PPFIA2: variants seen among roughly 807,000 people sequenced by gnomAD.
PPFIA2 encodes the protein liprin-alpha-2.
PPFIA2 carries 46 observed loss-of-function variants against 175.5 expected under a neutral mutation model. The ratio of observed to expected loss-of-function variants is 0.26; its 90% CI spans 0.21 to 0.34. The LOEUF (loss-of-function observed/expected upper bound fraction) is 0.34, where lower values mean the gene tolerates loss of function less well. Ranked by LOEUF, PPFIA2 falls within the 10% of genes least tolerant of loss-of-function variation. The pLI is 1.00. For synonymous variants in PPFIA2, 568 were observed against 511.4 expected (o/e 1.11, Z -1.49); for missense variants, 1,179 against 1,506.1 (o/e 0.78, Z 3.60).
Position 81,502,909 on chromosome 12 carries a change from C to T in PPFIA2, c.304-45043G>A, listed in dbSNP as rs1019568317. ...TAATGCAACTTGTACCACTCCACTG[C>T]TTCCCTGTTTGGAATGCCTCCTCTA... On this transcript the variant is annotated intron_variant, in intron 4 of 32. Coordinates refer to ENST00000549396, the MANE Select transcript of PPFIA2 (RefSeq NM_003625.5). 3.3e-5 allele frequency among the ~76,000 whole-genome samples: 5 copies of T among 152,202 alleles called. No homozygotes were observed. The South Asian group carries it at 8.3e-4, about 25-fold the overall frequency.
intron 23 of PPFIA2, 100 bp from the exon 24 acceptor site, chr12:81,295,135 C>T (rs1430506955): frequency 3.9e-6 from 4 of 1,027,604 alleles, no homozygotes; most frequent in Non-Finnish European, 5.7e-6. Flanking sequence ...CATACATGAC[C>T]TCACCCCACG....
At chr12:81,638,903 G>A (rs186482319) in intron 4 of PPFIA2, among the ~76,000 whole-genome samples, 1,829 of 151,396 alleles carry the variant, frequency 0.012, 45 homozygotes, top group East Asian at 0.042. Context: ...TAGCCGGGAT[G>A]GTCTCGATCT....
intron 4 of PPFIA2, among the ~76,000 whole-genome samples, chr12:81,515,665 T>G (rs1401507828): frequency 2.0e-5 from 3 of 152,050 alleles, no homozygotes; most frequent in Non-Finnish European, 1.5e-5. Context: ...CAACTCAAAT[T>G]CAATGTCTTC....
intron 16 of PPFIA2, among the ~76,000 whole-genome samples, chr12:81,355,732 G>T (rs1161595325): frequency 1.3e-5 from 2 of 152,112 alleles, no homozygotes; most frequent in African/African-American, 4.8e-5. Context: ...ACAACCCTCT[G>T]CTAGCTTCAA....
chr12:81,628,907 T>C (rs1209990363), intron 4 of PPFIA2, among the ~76,000 whole-genome samples: 1 of 152,094 alleles, frequency 6.6e-6, no homozygotes, highest in Admixed American at 6.5e-5. Flanking sequence ...ATAAGGCCTA[T>C]AGCCTCCTGT....
At chr12:81,642,672 C>CACGTATGTATATATTATATACATA in intron 4 of PPFIA2, among the ~76,000 whole-genome samples, 1 of 64,852 alleles carries the variant, frequency 1.5e-5, no homozygotes, top group East Asian at 1.2e-3. Context: ...TATATACATA[C>CACGTATGTATATATTATATACATA]ATGTATGTAT....
chr12:81,453,101 C>T (rs1427499039), intron 5 of PPFIA2, among the ~76,000 whole-genome samples: 2 of 149,668 alleles, frequency 1.3e-5, no homozygotes, highest in Non-Finnish European at 1.5e-5. Flanking sequence ...CCCACTAACT[C>T]GTCATCTAGC....
At chr12:81,653,114 TC>T (rs540282815) in intron 4 of PPFIA2, among the ~76,000 whole-genome samples, 9 of 152,222 alleles carry the variant, frequency 5.9e-5, no homozygotes, top group African/African-American at 2.2e-4. Context: ...TTTACCAGAT[TC>T]TTTTTGGTTC....
intron 5 of PPFIA2, among the ~76,000 whole-genome samples, chr12:81,450,258 A>C (rs1190417223): frequency 6.6e-6 from 1 of 152,206 alleles, no homozygotes; most frequent in African/African-American, 2.4e-5. Flanking sequence ...TCCCACCAAC[A>C]GTGCAAAAGT....
At chr12:81,540,006 G>A (rs561041665) in intron 4 of PPFIA2, among the ~76,000 whole-genome samples, 66 of 152,014 alleles carry the variant, frequency 4.3e-4, no homozygotes, top group Admixed American at 1.4e-3. Flanking sequence ...TTCCAGAAGA[G>A]GGGTTTGTTT....
chr12:81,259,706 C>T, intron 32 of PPFIA2, 46 bp from the exon 33 acceptor site: 1 of 1,506,026 alleles, frequency 6.6e-7, no homozygotes, highest in Middle Eastern at 1.7e-4. Context: ...AAGTCCCAGA[C>T]TGGGAAATCT....
intron 4 of PPFIA2, among the ~76,000 whole-genome samples, chr12:81,594,119 C>T (rs1414666789): frequency 1.3e-5 from 2 of 152,054 alleles, no homozygotes; most frequent in African/African-American, 4.8e-5. Context: ...AATCTCATGC[C>T]TGATGATCTA....
chr12:81,267,202 T>C lies in PPFIA2; in HGVS notation c.3487-182A>G, dbSNP rs539320517. The C allele has an allele frequency of 6.4e-4, 366 of 575,998 alleles. 3 individuals carry two copies. Among genetic ancestry groups the C allele is most frequent in the South Asian group, 5.9e-3 (341 of 57,884 alleles). The allele number at this position is 575,998 out of a possible 1,614,324, so 35.7% of individuals were successfully genotyped here. A position where few individuals can be genotyped will look rare whatever the true frequency, so the allele number is the denominator to read the frequency against. On this transcript the variant is annotated intron_variant, in intron 29 of 32. Coordinates refer to ENST00000549396, the MANE Select transcript of PPFIA2 (RefSeq NM_003625.5). ...TTAACTACAAAAAAAACAGGGCTTTTTTTTTTTTTTCTGTGAACAGTAGAG... is the reference window on the plus strand; with the variant it reads ...TTAACTACAAAAAAAACAGGGCTTTCTTTTTTTTTTCTGTGAACAGTAGAG...
chr12:81,295,548 C>T (rs1001024797), intron 23 of PPFIA2, among the ~76,000 whole-genome samples: 2 of 152,166 alleles, frequency 1.3e-5, no homozygotes, highest in Non-Finnish European at 2.9e-5. Flanking sequence ...CACCTACCTT[C>T]CTACACCATG....
intron 4 of PPFIA2, among the ~76,000 whole-genome samples, chr12:81,657,767 C>T (rs1344366964): frequency 1.3e-5 from 2 of 151,890 alleles, no homozygotes; most frequent in Non-Finnish European, 2.9e-5. Context: ...AAGAAAGATC[C>T]TTGATTTATT....
chr12:81,665,714 A>C (rs1032187484), intron 4 of PPFIA2, among the ~76,000 whole-genome samples: 1 of 151,994 alleles, frequency 6.6e-6, no homozygotes, highest in Non-Finnish European at 1.5e-5. Flanking sequence ...ATGGTTTAAG[A>C]AATAGAGGCA....
Position 81,357,981 on chromosome 12 carries a change from A to C in PPFIA2, c.1773+101T>G, listed in dbSNP as rs2061095231. 5 of 1,207,908 alleles carry C rather than the reference A, an allele frequency of 4.1e-6. No homozygotes were observed. The South Asian group carries it at 5.4e-5, about 13-fold the overall frequency. 74.8% of individuals were successfully genotyped at this position (1,207,908 alleles called of 1,614,324 possible). ...CATACTCTGTGTTTCAAATTAATAA[A>C]AATGCTAGCATTTTCTAATTATCTC... On this transcript the variant is annotated intron_variant, in intron 16 of 32. Transcript: ENST00000549396.
At chr12:81,492,480 G>A (rs535914574) in intron 4 of PPFIA2, among the ~76,000 whole-genome samples, 32 of 152,050 alleles carry the variant, frequency 2.1e-4, no homozygotes, top group African/African-American at 7.7e-4. Flanking sequence ...GTGCTATAGA[G>A]TAAAATAAAA....
chr12:81,716,924 G>T (rs1414524880), intron 3 of PPFIA2, among the ~76,000 whole-genome samples: 1 of 151,034 alleles, frequency 6.6e-6, no homozygotes, highest in Non-Finnish European at 1.5e-5. Context: ...AAAGAAAAAA[G>T]ATTTTTCTGA....
Sources: allele counts gnomAD v4.1 joint callset (sites outside exome capture counted in the v4.1 genomes callset), GRCh38; gene constraint gnomAD v4.1.1; transcripts MANE v1.5; gene names NCBI Gene and HGNC (gene_info 2026-07-23, HGNC 2026-07-21).